The following HECW1 variants were observed in gnomAD, a reference collection of about 807,000 sequenced individuals.
HECW1 encodes the protein HECT, C2 and WW domain containing E3 ubiquitin protein ligase 1, also known as E3 ubiquitin-protein ligase HECW1.
In HECW1, 61 loss-of-function variants were observed where a neutral mutation model predicts 182.3. The observed-to-expected ratio is 0.33, with a 90% CI of 0.27 to 0.41. HECW1 has a LOEUF of 0.41. Among genes scored for constraint, HECW1 ranks in the 10% least tolerant of loss-of-function variants. HECW1 has a pLI of 1.00. For missense variants in HECW1, 1,739 were observed against 2,108.9 expected, an observed-to-expected ratio of 0.82 and a Z score of 3.44; for synonymous variants, 859 against 832.6, an observed-to-expected ratio of 1.03 and a Z score of -0.55.
intron 3 of HECW1, among the ~76,000 whole-genome samples, chr7:43,299,674 C>A (rs995647131): frequency 6.6e-6 from 1 of 152,156 alleles, no homozygotes; most frequent in African/African-American, 2.4e-5. Flanking sequence ...CAGTAAGTGT[C>A]GCCTGAGACG....
At chr7:43,321,757 G>A (rs1810141232) in intron 5 of HECW1, among the ~76,000 whole-genome samples, 1 of 152,086 alleles carries the variant, frequency 6.6e-6, no homozygotes, top group Non-Finnish European at 1.5e-5. Context: ...ATATCCTCAA[G>A]TATATTTTGC....
chr7:43,274,404 G>A, intron 3 of HECW1: 2 of 636,530 alleles, frequency 3.1e-6, no homozygotes, highest in Admixed American at 2.3e-5. Context: ...GCGTCTGGCT[G>A]CTCTATGACT....
At chr7:43,202,729 G>GCTAAGCCATCA (rs1435454647) in intron 2 of HECW1, among the ~76,000 whole-genome samples, 10 of 152,110 alleles carry the variant, frequency 6.6e-5, no homozygotes, top group Admixed American at 5.9e-4. Context: ...CTGAGCCCAA[G>GCTAAGCCATCA]CTAAGCCATC....
chr7:43,144,280 A>G (rs1013386517), intron 2 of HECW1, among the ~76,000 whole-genome samples: 2 of 152,212 alleles, frequency 1.3e-5, no homozygotes, highest in African/African-American at 2.4e-5. Context: ...TACAATATCA[A>G]TATGACTCAT....
At chr7:43,179,780 C>A (rs943050398) in intron 2 of HECW1, among the ~76,000 whole-genome samples, 2 of 152,122 alleles carry the variant, frequency 1.3e-5, no homozygotes, top group African/African-American at 4.8e-5. Context: ...CCAATAGTAG[C>A]CCATACCTCA....
At chr7:43,164,488 G>C (rs991721455) in intron 2 of HECW1, among the ~76,000 whole-genome samples, 1 of 152,180 alleles carries the variant, frequency 6.6e-6, no homozygotes, top group Non-Finnish European at 1.5e-5. Context: ...CTTGAGTGGA[G>C]GGGGCTGCTC....
In HECW1 at chr7:43,563,806, T is replaced by G. The variant is rs2082270538; in HGVS notation, c.*1880T>G. 5.6e-6 allele frequency: 1 copy of G among 177,812 alleles called. No homozygotes were observed. Among genetic ancestry groups the G allele is most frequent in the Non-Finnish European group, 1.2e-5 (1 of 82,834 alleles). The allele number at this position is 177,812 out of a possible 1,614,324, so 11.0% of individuals were successfully genotyped here. Reference sequence around the variant, plus strand: ...ATCGCTCAAACCTGAGAAGCAGAGGTTGCAGTGAGCCAAGACTGTGCCACT... The same window carrying G: ...ATCGCTCAAACCTGAGAAGCAGAGGGTGCAGTGAGCCAAGACTGTGCCACT... On this transcript the variant is annotated 3_prime_UTR_variant, in exon 30 of 30. Transcript: ENST00000395891.
chr7:43,430,894 G>A (rs1422880352), intron 8 of HECW1, among the ~76,000 whole-genome samples: 1 of 150,312 alleles, frequency 6.7e-6, no homozygotes, highest in East Asian at 2.0e-4. Context: ...CAATTCTCCT[G>A]CCTCAGCCTC....
intron 8 of HECW1, among the ~76,000 whole-genome samples, chr7:43,424,643 ATAAAT>A (rs2076297546): frequency 6.6e-6 from 1 of 152,152 alleles, no homozygotes; most frequent in African/African-American, 2.4e-5. Context: ...AAAAAAATAA[ATAAAT>A]AAATAAAATA....
At chr7:43,190,970 C>T (rs763565758) in intron 2 of HECW1, among the ~76,000 whole-genome samples, 2 of 152,180 alleles carry the variant, frequency 1.3e-5, no homozygotes, top group Non-Finnish European at 2.9e-5. Context: ...CTTCCATAAG[C>T]TGTGTAGGGA....
At chr7:43,471,860 G>C (rs2078037091) in intron 16 of HECW1, among the ~76,000 whole-genome samples, 1 of 152,248 alleles carries the variant, frequency 6.6e-6, no homozygotes, top group South Asian at 2.1e-4. Flanking sequence ...CAGAATCTTG[G>C]TCTGACAAAA....
intron 26 of HECW1, among the ~76,000 whole-genome samples, chr7:43,543,267 T>C (rs564054812): frequency 3.3e-5 from 5 of 152,300 alleles, no homozygotes; most frequent in Non-Finnish European, 5.9e-5. Context: ...CACATCAATG[T>C]GGACAGTGCA....
At chr7:43,388,870 C>T (rs529898084) in intron 6 of HECW1, among the ~76,000 whole-genome samples, 17 of 152,268 alleles carry the variant, frequency 1.1e-4, no homozygotes, top group African/African-American at 4.1e-4. Flanking sequence ...GTGGGTGCCT[C>T]TTGATGAGTT....
chr7:43,236,872 A>C (rs983787622), intron 2 of HECW1, among the ~76,000 whole-genome samples: 1 of 152,136 alleles, frequency 6.6e-6, no homozygotes, highest in Non-Finnish European at 1.5e-5. Context: ...TAGCTGCCTT[A>C]TTTAGGAATA....
In HECW1 at chr7:43,450,796, G is replaced by T. The variant is rs199602932; in HGVS notation, c.2399-32G>T. ...TGATGATGTTGCCACGGCAGTGAAT[G>T]AATCTGAATGTATTGACTATCTTGT... is the stretch of plus-strand genomic sequence containing the variant. On this transcript the variant is annotated intron_variant, in intron 11 of 29. Transcript: ENST00000395891. 6.8e-5 allele frequency: 92 copies of T among 1,360,420 alleles called. No homozygotes were observed. The African/African-American group carries it at 1.3e-3, about 19-fold the overall frequency. 84.3% of individuals were successfully genotyped at this position (1,360,420 alleles called of 1,614,324 possible).
chr7:43,143,217 C>T lies in HECW1; in HGVS notation c.-32+28826C>T, dbSNP rs148911095. ...AACTCCTGAACTCAGATGATCCACC[C>T]ACCTCAGCCTCCCAAGGTGCTGAGA... is the stretch of plus-strand genomic sequence containing the variant. On this transcript the variant is annotated intron_variant, in intron 2 of 29. Transcript: ENST00000395891. 3.3e-3 allele frequency among the ~76,000 whole-genome samples: 498 copies of T among 152,288 alleles called. 4 individuals are homozygous for T. The highest frequency in any genetic ancestry group is 0.011 in the African/African-American group (465 of 41,576).
intron 2 of HECW1, among the ~76,000 whole-genome samples, chr7:43,149,230 A>G (rs1789039640): frequency 6.6e-6 from 1 of 152,216 alleles, no homozygotes; most frequent in Non-Finnish European, 1.5e-5. Flanking sequence ...AAAGTCAATT[A>G]TCACCAGTAA....
chr7:43,209,520 G>C (rs1206285127), intron 2 of HECW1, among the ~76,000 whole-genome samples: 2 of 152,148 alleles, frequency 1.3e-5, no homozygotes, highest in Non-Finnish European at 2.9e-5. Flanking sequence ...ATTTACAAGA[G>C]AGCTTCTCTC....
intron 14 of HECW1, among the ~76,000 whole-genome samples, chr7:43,466,201 A>G (rs527668106): frequency 7.2e-4 from 110 of 152,248 alleles, no homozygotes; most frequent in Non-Finnish European, 1.4e-3. Context: ...AAAAGAAAAG[A>G]AAGAAAATCA....
Sources: gnomAD v4.1 joint callset for allele counts (sites outside exome capture counted in the v4.1 genomes callset) on GRCh38, gnomAD v4.1.1 for gene constraint, MANE v1.5 for transcripts, NCBI Gene and HGNC (gene_info 2026-07-23, HGNC 2026-07-21) for gene names.